FSIP2: variants seen among roughly 807,000 people sequenced by gnomAD.
FSIP2 encodes fibrous sheath-interacting protein 2.
In FSIP2, 367 loss-of-function variants were observed where a neutral mutation model predicts 510.5. That is an observed-to-expected ratio of 0.72 (90% CI 0.66 to 0.78). The LOEUF is 0.78. FSIP2 is among the 30% of genes least tolerant of loss of function. The pLI, the probability that FSIP2 is intolerant of heterozygous loss-of-function variation, is 0.00. For synonymous variants in FSIP2, 2,601 were observed against 2,732.2 expected, an observed-to-expected ratio of 0.95 and a Z score of 1.50; for missense variants, 7,594 against 7,901.7, an observed-to-expected ratio of 0.96 and a Z score of 1.48.
In FSIP2 at chr2:185,743,228, A is replaced by T; in HGVS notation, c.321A>T (p.Ala107=). 6.5e-7 allele frequency: 1 copy of T among 1,528,268 alleles called. No homozygotes were observed. The highest frequency in any genetic ancestry group is 8.7e-7 in the Non-Finnish European group (1 of 1,143,656). 94.7% of individuals were successfully genotyped at this position (1,528,268 alleles called of 1,614,324 possible). A position where few individuals can be genotyped will look rare whatever the true frequency, so the allele number is the denominator to read the frequency against. The change falls in exon 3 of 23, where the codon GCA becomes GCT. Residue 107 remains alanine, a synonymous_variant. Coordinates refer to ENST00000424728, the MANE Select transcript of FSIP2 (RefSeq NM_173651.4). ...GCCTCCATGATCCACATTTAAAAGC[A>T]TACTATAAGCGCAAAGATATTTTGA... ...YKSLHDPHLK[A]YYKRKDILKR...
chr2:185,763,594 G>A (rs1574162123), intron 12 of FSIP2, among the ~76,000 whole-genome samples: 1 of 151,482 alleles, frequency 6.6e-6, no homozygotes, highest in Admixed American at 6.6e-5. Context: ...CCTGCTGTTC[G>A]AGAGATACCA....
chr2:185,738,633 GT>G, upstream of FSIP2: 1 of 1,536,030 alleles, frequency 6.5e-7, no homozygotes, highest in Non-Finnish European at 8.7e-7. Context: ...GAAAGATGAA[GT>G]TTCAACTGTG....
Position 185,813,959 on chromosome 2 carries a change from G to A in FSIP2, c.20242G>A (p.Ala6748Thr). ...IESKETHVKR[A>T]VAELDMATPK... ...ATCCAAGGAGACACATGTTAAAAGA[G>A]CTGTTGCTGAGCTTGACATGGCCAC... The change falls in exon 18 of 23, where the codon GCT (alanine) becomes ACT (threonine). Residue 6748 changes from alanine to threonine, a missense_variant. Transcript: ENST00000424728. 6.2e-7 allele frequency: 1 copy of A among 1,613,470 alleles called. No homozygotes were observed. Among genetic ancestry groups the A allele is most frequent in the Non-Finnish European group, 8.5e-7 (1 of 1,179,628 alleles).
In FSIP2 at chr2:185,797,330, A is replaced by C. The variant is rs1559030529; in HGVS notation, c.10194A>C (p.Glu3398Asp). ...ACTATATACCTGAGGAAGAAAATGA[A>C]AACCTTGAAGCCAGCCGGGAAGATT... is the stretch of plus-strand genomic sequence containing the variant. ...KINYIPEEEN[E>D]NLEASREDSS... Residue 3398 changes from glutamate (E) to aspartate (D), a missense_variant, in exon 16 of 23, where the codon GAA becomes GAC. Glu to Asp is a conservative substitution (Grantham distance 45). Transcript: ENST00000424728. The C allele has an allele frequency of 7.2e-6, 11 of 1,525,050 alleles. No individual in the cohort carries two copies. The highest frequency in any genetic ancestry group is 9.6e-6 in the Non-Finnish European group (11 of 1,143,918). The allele number at this position is 1,525,050 out of a possible 1,614,324, so 94.5% of individuals were successfully genotyped here.
chr2:185,793,559 T>C lies in FSIP2; in HGVS notation c.6423T>C (p.Ile2141=), dbSNP rs1286841192. ...SEMFMEGANK[I]IPKLSVPKSD... ...TGTTCATGGAGGGTGCAAATAAGAT[T>C]ATTCCTAAGCTTTCAGTTCCTAAAT... The change falls in exon 16 of 23, where the codon ATT becomes ATC. Residue 2141 remains isoleucine, a synonymous_variant. Transcript: ENST00000424728. 1 of 1,534,172 alleles carries C rather than the reference T, an allele frequency of 6.5e-7. No homozygotes were observed. Among genetic ancestry groups the C allele is most frequent in the Non-Finnish European group, 8.7e-7 (1 of 1,145,676 alleles).
intron 13 of FSIP2, chr2:185,765,386 T>A: frequency 6.6e-6 from 1 of 152,090 alleles, no homozygotes. Flanking sequence ...CCCAGCACCA[T>A]TTATTAAATA....
rs1255902853 is a variant in FSIP2 at position 185,792,988 on chromosome 2, C to T, written c.5852C>T (p.Ala1951Val). 8.5e-6 allele frequency: 13 copies of T among 1,534,322 alleles called. No homozygotes were observed. The East Asian group carries it at 9.8e-5, about 12-fold the overall frequency. Reference sequence around the variant, plus strand: ...CAAGTCAACTTTACAGTTCCAGTGGCTTTACCTATTCAGCAAGATCACAGT... The same window carrying T: ...CAAGTCAACTTTACAGTTCCAGTGGTTTTACCTATTCAGCAAGATCACAGT... ...YSQVNFTVPV[A>V]LPIQQDHSTL... The change falls in exon 16 of 23, where the codon GCT (alanine) becomes GTT (valine). Residue 1951 changes from alanine (A) to valine (V), a missense_variant. By Grantham distance (64) the Ala-to-Val change is moderately conservative. Transcript: ENST00000424728.
At chr2:185,775,577 T>A (rs1692699393) in intron 13 of FSIP2, among the ~76,000 whole-genome samples, 1 of 152,150 alleles carries the variant, frequency 6.6e-6, no homozygotes, top group African/African-American at 2.4e-5. Context: ...GATTTTTTTA[T>A]CTAAGCTTCC....
chr2:185,747,120 A>G (rs1432052365), intron 6 of FSIP2, among the ~76,000 whole-genome samples, 193 bp from the exon 7 acceptor site: 2 of 152,112 alleles, frequency 1.3e-5, no homozygotes, highest in African/African-American at 4.8e-5. Flanking sequence ...TTTAGTAAAA[A>G]GTATCATATT....
In FSIP2 at chr2:185,808,954, C is replaced by G. The variant is rs756677092; in HGVS notation, c.19648C>G (p.Pro6550Ala). 2 of 1,609,208 alleles carry G rather than the reference C, an allele frequency of 1.2e-6. No homozygotes were observed. Among genetic ancestry groups the G allele is most frequent in the East Asian group, 2.2e-5 (1 of 44,700 alleles). The change falls in exon 17 of 23, where the codon CCT becomes GCT. Residue 6550 changes from proline (P) to alanine (A), a missense_variant. By Grantham distance (27) the Pro-to-Ala change is conservative. Transcript: ENST00000424728. ...HLAVISIKTQ[P>A]LEKLKQECLK... ...AGCAGTTATTTCTATAAAAACTCAA[C>G]CTCTTGAGAAACTTAAGCAGGAGTG...
chr2:185,825,738 G>T (rs952049711), intron 20 of FSIP2, among the ~76,000 whole-genome samples: 1 of 151,720 alleles, frequency 6.6e-6, no homozygotes, highest in Non-Finnish European at 1.5e-5. Context: ...TTCATCCAAA[G>T]ATTTGCTGAG....
intron 1 of FSIP2, 104 bp from the exon 2 acceptor site, chr2:185,739,242 T>C (rs1691870615): frequency 1.6e-6 from 2 of 1,278,494 alleles, no homozygotes; most frequent in African/African-American, 1.5e-5. Context: ...GAACCCTGAT[T>C]GTATAATTCT....
At chr2:185,780,501 C>A (rs1692824605) in intron 13 of FSIP2, among the ~76,000 whole-genome samples, 1 of 151,324 alleles carries the variant, frequency 6.6e-6, no homozygotes, top group South Asian at 2.1e-4. Context: ...AATACAATTT[C>A]TAAATAGATA....
chr2:185,777,130 A>G (rs979981492), intron 13 of FSIP2, among the ~76,000 whole-genome samples: 2 of 152,184 alleles, frequency 1.3e-5, no homozygotes, highest in Non-Finnish European at 2.9e-5. Context: ...ATGAATAGGC[A>G]TGGCTATACA....
Position 185,806,414 on chromosome 2 carries a change from T to C in FSIP2, c.17108T>C (p.Leu5703Pro). 6.2e-7 allele frequency: 1 copy of C among 1,612,030 alleles called. No individual in the cohort carries two copies. The highest frequency in any genetic ancestry group is 8.5e-7 in the Non-Finnish European group (1 of 1,178,704). ...SSPEPAYYSK[L>P]SYDQSPPGDN... is the part of the protein sequence containing the mutation. ...CCAGAACCAGCATATTATTCGAAAC[T>C]CAGTTATGACCAAAGCCCCCCAGGT... The change falls in exon 17 of 23, where the codon CTC becomes CCC. Residue 5703 changes from leucine to proline, a missense_variant. Physicochemically the swap from Leu to Pro is moderately conservative, Grantham distance 98. Coordinates refer to ENST00000424728, the MANE Select transcript of FSIP2 (RefSeq NM_173651.4).
intron 17 of FSIP2, among the ~76,000 whole-genome samples, chr2:185,811,788 C>T (rs1464766701): frequency 6.6e-6 from 1 of 152,092 alleles, no homozygotes; most frequent in East Asian, 1.9e-4. Context: ...CTAGCTGTGG[C>T]TCAAAGGGGC....
chr2:185,760,993 A>C lies in FSIP2; in HGVS notation c.1084A>C (p.Thr362Pro). 7.1e-7 allele frequency: 1 copy of C among 1,413,144 alleles called. No homozygotes were observed. Among genetic ancestry groups the C allele is most frequent in the Non-Finnish European group, 9.4e-7 (1 of 1,058,916 alleles). 87.5% of individuals were successfully genotyped at this position (1,413,144 alleles called of 1,614,324 possible). Residue 362 changes from threonine to proline, a missense_variant, in exon 10 of 23, where the codon ACA (threonine) becomes CCA (proline). By Grantham distance (38) the Thr-to-Pro change is conservative. Transcript: ENST00000424728. ...TCTCTCTCGTTTTCTTTTAGGACATACAGCAAATGCTGCTCATCAGCGTCA... is the reference window on the plus strand; with the variant it reads ...TCTCTCTCGTTTTCTTTTAGGACATCCAGCAAATGCTGCTCATCAGCGTCA... ...QNTYKETHGH[T>P]ANAAHQRQNS...
At chr2:185,785,433 A>T (rs899574718) in intron 14 of FSIP2, among the ~76,000 whole-genome samples, 6 of 152,000 alleles carry the variant, frequency 3.9e-5, no homozygotes, top group African/African-American at 1.4e-4. Context: ...CCCTAGGGGG[A>T]AATGTAAATT....
At chr2:185,743,378 G>C in intron 3 of FSIP2, 84 bp downstream of exon 3, 1 of 803,928 alleles carries the variant, frequency 1.2e-6, no homozygotes. Flanking sequence ...CACTCGGGGG[G>C]CCTGTGTCAC....
Sources: gnomAD v4.1 joint callset for allele counts (sites outside exome capture counted in the v4.1 genomes callset) on GRCh38, gnomAD v4.1.1 for gene constraint, MANE v1.5 for transcripts, NCBI Gene and HGNC (gene_info 2026-07-23, HGNC 2026-07-21) for gene names.